Variants in ANXA5 observed in about 807,000 individuals in gnomAD.
ANXA5 encodes the protein annexin A5.
Under a neutral mutation model 48.1 loss-of-function variants are expected in ANXA5, and 40 were observed. The ratio of observed to expected loss-of-function variants is 0.83; its 90% confidence interval spans 0.65 to 1.08. The LOEUF is 1.08. Among genes scored for constraint, ANXA5 ranks in the 50% least tolerant of loss-of-function variants. The pLI, the probability that ANXA5 is intolerant of heterozygous loss-of-function variation, is 0.00. For missense variants in ANXA5, 357 were observed against 376.8 expected (o/e 0.95, Z 0.44); for synonymous variants, 113 against 129.1 (o/e 0.88, Z 0.85).
At chr4:121,686,099 C>T (rs534599094) in intron 3 of ANXA5, among the ~76,000 whole-genome samples, 189 bp downstream of exon 3, 18 of 141,412 alleles carry the variant, frequency 1.3e-4, no homozygotes, top group Non-Finnish European at 2.3e-4. Context: ...CAAGATAATT[C>T]TTCCAATGTG....
chr4:121,695,301 C>G (rs1011494270), intron 2 of ANXA5, among the ~76,000 whole-genome samples: 9 of 152,200 alleles, frequency 5.9e-5, no homozygotes, highest in African/African-American at 2.2e-4. Context: ...AATGGGATCA[C>G]TGTGTAAGTT....
Position 121,669,627 on chromosome 4 carries a change from G to A in ANXA5, c.878C>T (p.Ala293Val), listed in dbSNP as rs1724578186. Reference protein sequence around the residue: ...NIRKEFRKNFATSLYSMIKGD... With the variant: ...NIRKEFRKNFVTSLYSMIKGD... Reference sequence around the variant, plus strand: ...CTTAATCATGGAATAAAGAGAGGTGGCAAAATTCTTCCTAAACTCCTTCCT... The same window carrying A: ...CTTAATCATGGAATAAAGAGAGGTGACAAAATTCTTCCTAAACTCCTTCCT... The change falls in exon 12 of 13, where the codon GCC (alanine) becomes GTC (valine). Residue 293 changes from alanine to valine, a missense_variant. By Grantham distance (64) the Ala-to-Val change is moderately conservative. Coordinates refer to ENST00000296511, the MANE Select transcript of ANXA5 (RefSeq NM_001154.4). The A allele has an allele frequency of 6.2e-7, 1 of 1,613,242 alleles. No homozygotes were observed. The highest frequency in any genetic ancestry group is 8.5e-7 in the Non-Finnish European group (1 of 1,179,638).
chr4:121,693,965 A>G (rs2110493014), intron 2 of ANXA5, among the ~76,000 whole-genome samples: 1 of 152,280 alleles, frequency 6.6e-6, no homozygotes, highest in Non-Finnish European at 1.5e-5. Flanking sequence ...TATTATAATA[A>G]TTTTAAACCA....
rs56278871 is a variant in ANXA5 at position 121,685,071 on chromosome 4, TACAC to T, written c.95-304_95-301del. On this transcript the variant is annotated intron_variant, in intron 3 of 12. Coordinates refer to ENST00000296511, the MANE Select transcript of ANXA5 (RefSeq NM_001154.4). ...ATATATACACACACACATATATATA[TACAC>T]ACACACACACACAGACGCAAATACA... Among the ~76,000 whole-genome samples, 451 of 146,574 alleles carry T rather than the reference TACAC, an allele frequency of 3.1e-3. 2 individuals are homozygous for T. The highest frequency in any genetic ancestry group is 1.0e-2 in the African/African-American group (392 of 39,276).
intron 2 of ANXA5, among the ~76,000 whole-genome samples, chr4:121,692,995 A>G (rs1211148708): frequency 6.6e-6 from 1 of 152,254 alleles, no homozygotes; most frequent in Non-Finnish European, 1.5e-5. Context: ...GCACTTTGGG[A>G]GGCCGAGGCA....
intron 11 of ANXA5, 36 bp from the exon 12 acceptor site, chr4:121,669,760 T>G (rs186294695): frequency 6.3e-7 from 1 of 1,577,464 alleles, no homozygotes; most frequent in Non-Finnish European, 8.6e-7. Context: ...AGCAAAATGC[T>G]TAAAAACTTC....
chr4:121,694,610 C>G (rs1468532616), intron 2 of ANXA5, among the ~76,000 whole-genome samples: 2 of 152,182 alleles, frequency 1.3e-5, no homozygotes, highest in Non-Finnish European at 2.9e-5. Flanking sequence ...GTCTCGAACT[C>G]CTGACCTCGT....
chr4:121,693,711 A>G (rs913385979), intron 2 of ANXA5, among the ~76,000 whole-genome samples: 2 of 152,186 alleles, frequency 1.3e-5, no homozygotes, highest in African/African-American at 4.8e-5. Context: ...GCCAAAATGA[A>G]CTTAAGAGTT....
rs150743399 is a variant in ANXA5, at chr4:121,683,992, T to A, written c.190-515A>T. ...TATGGGGAAATTGTGTATGTAATTA[T>A]GAAAAAATTATGTAATTGTGAAAAA... On this transcript the variant is annotated intron_variant, in intron 4 of 12. Coordinates refer to ENST00000296511, the MANE Select transcript of ANXA5 (RefSeq NM_001154.4). Among the ~76,000 whole-genome samples, 780 of 152,106 alleles carry A rather than the reference T, an allele frequency of 5.1e-3. 20 individuals are homozygous for A. Among genetic ancestry groups the A allele is most frequent in the Non-Finnish European group, 3.8e-3 (261 of 67,970 alleles).
intron 2 of ANXA5, among the ~76,000 whole-genome samples, chr4:121,694,102 CGG>C (rs1167345308): frequency 1.4e-4 from 1 of 6,980 alleles, no homozygotes; most frequent in Non-Finnish European, 2.4e-4. Context: ...CTATTGTGGG[CGG>C]GGGGGAGGGG....
chr4:121,683,587 C>A, intron 4 of ANXA5, 110 bp from the exon 5 acceptor site: 1 of 606,892 alleles, frequency 1.6e-6, no homozygotes, highest in Non-Finnish European at 2.9e-6. Context: ...TTGCTGTCTC[C>A]AAGTAGAAGG....
chr4:121,690,121 G>A (rs115582720), intron 2 of ANXA5, among the ~76,000 whole-genome samples: 3,599 of 152,312 alleles, frequency 0.024, 58 homozygotes, highest in Non-Finnish European at 0.034. Context: ...ACCAGGCACC[G>A]TGCACAGAGC....
intron 8 of ANXA5, 120 bp from the exon 9 acceptor site, chr4:121,672,746 A>G: frequency 1.4e-6 from 1 of 717,756 alleles, no homozygotes; most frequent in Non-Finnish European, 2.4e-6. Context: ...TTGTATTAAT[A>G]GTTTTCATTT....
At chr4:121,676,672 C>G (rs1421195446) in intron 8 of ANXA5, among the ~76,000 whole-genome samples, 1 of 125,130 alleles carries the variant, frequency 8.0e-6, no homozygotes, top group Non-Finnish European at 1.9e-5. Context: ...TGACAGGAAG[C>G]CTGGGGGCGG....
At chr4:121,691,536 C>T (rs759725398) in intron 2 of ANXA5, among the ~76,000 whole-genome samples, 5 of 119,038 alleles carry the variant, frequency 4.2e-5, no homozygotes, top group African/African-American at 1.3e-4. Context: ...TCAAATACCG[C>T]ACCCTCCCCC....
At chr4:121,691,746 G>T (rs1724987956) in intron 2 of ANXA5, among the ~76,000 whole-genome samples, 1 of 152,068 alleles carries the variant, frequency 6.6e-6, no homozygotes, top group Non-Finnish European at 1.5e-5. Flanking sequence ...ATACACTAGG[G>T]CCCTACCTTA....
chr4:121,692,625 T>C (rs1228975113), intron 2 of ANXA5, among the ~76,000 whole-genome samples: 1 of 152,240 alleles, frequency 6.6e-6, no homozygotes, highest in Non-Finnish European at 1.5e-5. Flanking sequence ...CAAACTCTTT[T>C]ACACCCCTAA....
intron 12 of ANXA5, 105 bp from the exon 13 acceptor site, chr4:121,668,632 A>G (rs1218708943): frequency 3.3e-6 from 3 of 922,514 alleles, no homozygotes; most frequent in Non-Finnish European, 5.3e-6. Context: ...CTCTTCTCCC[A>G]AGTGGGTAAT....
At chr4:121,672,024 C>T (rs530115266) in intron 9 of ANXA5, among the ~76,000 whole-genome samples, 3 of 152,196 alleles carry the variant, frequency 2.0e-5, no homozygotes, top group Non-Finnish European at 2.9e-5. Flanking sequence ...AGAAAGAAAA[C>T]CAAAACACTA....
Sources: allele counts gnomAD v4.1 joint callset (sites outside exome capture counted in the v4.1 genomes callset), GRCh38; gene constraint gnomAD v4.1.1; transcripts MANE v1.5; gene names NCBI Gene and HGNC (gene_info 2026-07-23, HGNC 2026-07-21).